Variants in CSNK1G1 observed in about 807,000 individuals in gnomAD.
The protein encoded by CSNK1G1 is casein kinase I isoform gamma-1.
CSNK1G1 carries 22 observed loss-of-function variants against 59.6 expected under a neutral mutation model. That is an observed-to-expected ratio of 0.37 (90% CI 0.26 to 0.53). The LOEUF is 0.53. Among genes scored for constraint, CSNK1G1 ranks in the 20% least tolerant of loss-of-function variants. The pLI is 0.89. For missense variants in CSNK1G1, 384 were observed against 519.5 expected (o/e 0.74, Z 2.54); for synonymous variants, 179 against 177.1 (o/e 1.01, Z -0.08).
chr15:64,305,357 TA>T (rs1048781922), intron 1 of CSNK1G1, among the ~76,000 whole-genome samples: 1 of 151,916 alleles, frequency 6.6e-6, no homozygotes, highest in African/African-American at 2.4e-5. Flanking sequence ...TAGGACAAAT[TA>T]AAAGACACTG....
intron 4 of CSNK1G1, among the ~76,000 whole-genome samples, chr15:64,226,399 A>G (rs1021419228): frequency 6.6e-6 from 1 of 152,150 alleles, no homozygotes; most frequent in Admixed American, 6.5e-5. Context: ...CTCTACTAAA[A>G]TACAAAAAAT....
intron 2 of CSNK1G1, among the ~76,000 whole-genome samples, chr15:64,294,912 CAAAAAAAAA>C (rs937758323): frequency 2.0e-5 from 1 of 51,154 alleles, no homozygotes; most frequent in African/African-American, 6.6e-5. Context: ...AACTTCGTCT[CAAAAAAAAA>C]AAAAAAAAAA....
intron 4 of CSNK1G1, among the ~76,000 whole-genome samples, chr15:64,227,043 T>C (rs1472342928): frequency 6.6e-6 from 1 of 152,220 alleles, no homozygotes; most frequent in Non-Finnish European, 1.5e-5. Context: ...GGTCCAAGCA[T>C]ATGGTAGATA....
At chr15:64,299,370 C>T (rs1459757309) in intron 2 of CSNK1G1, among the ~76,000 whole-genome samples, 1 of 152,072 alleles carries the variant, frequency 6.6e-6, no homozygotes, top group African/African-American at 2.4e-5. Context: ...GGGCGGATCA[C>T]GAAGTCAGAG....
In CSNK1G1 at chr15:64,263,086, A is replaced by T. The variant is rs1265167049; in HGVS notation, c.182-3845T>A. Among the ~76,000 whole-genome samples the T allele has an allele frequency of 2.6e-5, 4 of 151,840 alleles. No individual in the cohort carries two copies. The East Asian group carries it at 5.8e-4, about 22-fold the overall frequency. On this transcript the variant is annotated intron_variant, in intron 2 of 11. Coordinates refer to ENST00000303052, the MANE Select transcript of CSNK1G1 (RefSeq NM_022048.5). ...AAGAGCAAAACGCCATCTCAAAAAA[A>T]AAAAAAAAAAAAAGCAAGAGTTCAA...
At chr15:64,250,340 G>A (rs980164170) in intron 4 of CSNK1G1, among the ~76,000 whole-genome samples, 2 of 152,166 alleles carry the variant, frequency 1.3e-5, no homozygotes, top group African/African-American at 4.8e-5. Context: ...GCTGATTATT[G>A]CTATAGTCAG....
chr15:64,175,251 C>A (rs1288002760), intron 11 of CSNK1G1, among the ~76,000 whole-genome samples: 3 of 152,122 alleles, frequency 2.0e-5, no homozygotes, highest in Non-Finnish European at 1.5e-5. Flanking sequence ...CCTGAGGAAG[C>A]CCCTGTAGGC....
chr15:64,201,291 GAAAGAAAAAGA>G (rs1196844986), intron 10 of CSNK1G1, among the ~76,000 whole-genome samples: 13 of 136,254 alleles, frequency 9.5e-5, no homozygotes, highest in Non-Finnish European at 2.0e-4. Flanking sequence ...AAAAAAAAAA[GAAAGAAAAAGA>G]AAAGAAAAAA....
chr15:64,290,760 A>AT (rs1376844884), intron 2 of CSNK1G1, among the ~76,000 whole-genome samples: 1 of 151,988 alleles, frequency 6.6e-6, no homozygotes, highest in Admixed American at 6.6e-5. Flanking sequence ...CAATTAATTT[A>AT]TTTTTTTTGA....
chr15:64,239,922 A>T (rs543080961), intron 4 of CSNK1G1, among the ~76,000 whole-genome samples: 1 of 152,208 alleles, frequency 6.6e-6, no homozygotes, highest in Admixed American at 6.5e-5. Context: ...GTCATTTGAA[A>T]CTACTCAGTT....
intron 1 of CSNK1G1, among the ~76,000 whole-genome samples, chr15:64,351,495 A>G (rs912059990): frequency 2.0e-5 from 3 of 152,246 alleles, no homozygotes; most frequent in Admixed American, 1.3e-4. Flanking sequence ...GTGGTGATTG[A>G]GAAATCTCTA....
In CSNK1G1 at chr15:64,167,815, G is replaced by A. The variant is rs966738979; in HGVS notation, c.*4116C>T. On this transcript the variant is annotated 3_prime_UTR_variant, in exon 12 of 12. Coordinates refer to ENST00000303052, the MANE Select transcript of CSNK1G1 (RefSeq NM_022048.5). ...GTTCCTCTGAGAAGACGTTTTCTTG[G>A]CTGCCATGGAAGTTCTCATTTTTGA... is the stretch of plus-strand genomic sequence containing the variant. 2.0e-5 allele frequency: 3 copies of A among 152,392 alleles called. No homozygotes were observed. The highest frequency in any genetic ancestry group is 4.4e-5 in the Non-Finnish European group (3 of 68,036). The allele number at this position is 152,392 out of a possible 1,614,324, so 9.4% of individuals were successfully genotyped here. A position where few individuals can be genotyped will look rare whatever the true frequency, so the allele number is the denominator to read the frequency against.
In CSNK1G1 at chr15:64,176,049, G is replaced by A. The variant is rs766970680; in HGVS notation, c.1215-4064C>T. ...TACTGTTATGGCAGGAGGAGACAGCGATAAGATGGGTTTGAAAGAAGGAAT... is the reference window on the plus strand; with the variant it reads ...TACTGTTATGGCAGGAGGAGACAGCAATAAGATGGGTTTGAAAGAAGGAAT... On this transcript the variant is annotated intron_variant, in intron 11 of 11. Coordinates refer to ENST00000303052, the MANE Select transcript of CSNK1G1 (RefSeq NM_022048.5). The surrounding 1 kb of genome is among the most constrained non-coding windows in gnomAD (Gnocchi z 5.2). 1.2e-4 allele frequency among the ~76,000 whole-genome samples: 19 copies of A among 152,226 alleles called. No homozygotes were observed. The highest frequency in any genetic ancestry group is 2.2e-4 in the Non-Finnish European group (15 of 68,038).
chr15:64,325,320 C>T (rs1259388762), intron 1 of CSNK1G1, among the ~76,000 whole-genome samples: 1 of 151,748 alleles, frequency 6.6e-6, no homozygotes, highest in Non-Finnish European at 1.5e-5. Flanking sequence ...AATGTATATG[C>T]TCAGCTTTCA....
At chr15:64,220,075 C>T (rs1012977528) in intron 4 of CSNK1G1, among the ~76,000 whole-genome samples, 2 of 151,124 alleles carry the variant, frequency 1.3e-5, no homozygotes, top group African/African-American at 4.9e-5. Flanking sequence ...CCCAGCCTCC[C>T]CTTCTTTTAA....
intron 10 of CSNK1G1, among the ~76,000 whole-genome samples, chr15:64,183,346 T>A (rs912833593): frequency 6.6e-6 from 1 of 152,212 alleles, no homozygotes; most frequent in African/African-American, 2.4e-5. Flanking sequence ...GAATGAGACA[T>A]AAACAGAGCC....
chr15:64,248,268 C>T (rs933317068), intron 4 of CSNK1G1, among the ~76,000 whole-genome samples: 16 of 152,210 alleles, frequency 1.1e-4, no homozygotes, highest in South Asian at 1.0e-3. Context: ...TGTTCATGCT[C>T]ACATTTACAA....
At chr15:64,313,472 C>CT (rs1278320142) in intron 1 of CSNK1G1, among the ~76,000 whole-genome samples, 7 of 152,062 alleles carry the variant, frequency 4.6e-5, no homozygotes, top group African/African-American at 1.7e-4. Flanking sequence ...AAGCTGGAAA[C>CT]CATCATTCTC....
chr15:64,326,323 GC>G (rs1157219960), intron 1 of CSNK1G1, among the ~76,000 whole-genome samples: 9 of 152,224 alleles, frequency 5.9e-5, no homozygotes, highest in African/African-American at 1.9e-4. Context: ...ACCATGCCTG[GC>G]CCAAGAAAAT....
Sources: allele counts gnomAD v4.1 joint callset (sites outside exome capture counted in the v4.1 genomes callset), GRCh38; gene constraint gnomAD v4.1.1; non-coding constraint Gnocchi (gnomAD v3.1); transcripts MANE v1.5; gene names NCBI Gene and HGNC (gene_info 2026-07-23, HGNC 2026-07-21).